Variants in MIER3 observed in about 807,000 individuals in gnomAD.
The protein encoded by MIER3 is MIER family member 3.
In MIER3, 9 loss-of-function variants were observed where a neutral mutation model predicts 63.2. That is an observed-to-expected ratio of 0.14 (90% CI 0.09 to 0.25). MIER3 has a LOEUF of 0.25. Among genes scored for constraint, MIER3 ranks in the 10% least tolerant of loss-of-function variants. The pLI, the probability that MIER3 is intolerant of heterozygous loss-of-function variation, is 1.00. For synonymous variants in MIER3, 205 were observed against 224.9 expected, an observed-to-expected ratio of 0.91 and a Z score of 0.79; for missense variants, 512 against 666.2, an observed-to-expected ratio of 0.77 and a Z score of 2.55.
intron 5 of MIER3, 69 bp from the exon 6 acceptor site, chr5:56,935,820 AT>A: frequency 1.7e-6 from 2 of 1,162,970 alleles, no homozygotes; most frequent in Middle Eastern, 2.0e-4. Context: ...TGCCTGTTGT[AT>A]TTTACAAAAT....
At chr5:56,934,010 A>G (rs917815446) in intron 7 of MIER3, among the ~76,000 whole-genome samples, 1 of 152,160 alleles carries the variant, frequency 6.6e-6, no homozygotes, top group Non-Finnish European at 1.5e-5. Context: ...TGATATATTA[A>G]TGAACAAAAT....
chr5:56,929,064 T>C (rs1417619400), intron 9 of MIER3: 2 of 476,682 alleles, frequency 4.2e-6, no homozygotes, highest in Admixed American at 3.6e-5. Context: ...ACCAAAAGCA[T>C]GCATACTACA....
chr5:56,948,258 T>C (rs1750893836), intron 2 of MIER3, among the ~76,000 whole-genome samples: 1 of 152,234 alleles, frequency 6.6e-6, no homozygotes, highest in Admixed American at 6.5e-5. Flanking sequence ...GTTCTAAAAA[T>C]ACAATTTCTA....
At chr5:56,936,127 G>C (rs1354897253) in intron 5 of MIER3, among the ~76,000 whole-genome samples, 1 of 152,042 alleles carries the variant, frequency 6.6e-6, no homozygotes, top group Non-Finnish European at 1.5e-5. Context: ...TGAGGCAGGA[G>C]AATCGCCTGA....
chr5:56,933,974 A>C lies in MIER3; in HGVS notation c.596-576T>G, dbSNP rs1017065984. On this transcript the variant is annotated intron_variant, in intron 7 of 12. Transcript: ENST00000381199. ...AGAGGGAGAAACAGTAAGAAAAGTA[A>C]ACTTTCCACAATCTCTTAAAGACAC... Among the ~76,000 whole-genome samples, 4 of 152,078 alleles carry C rather than the reference A, an allele frequency of 2.6e-5. No individual in the cohort carries two copies. The East Asian group carries it at 7.7e-4, about 29-fold the overall frequency.
intron 3 of MIER3, among the ~76,000 whole-genome samples, chr5:56,945,643 T>TA (rs1209261005): frequency 6.6e-6 from 1 of 152,174 alleles, no homozygotes; most frequent in Non-Finnish European, 1.5e-5. Flanking sequence ...CTTTAGTACT[T>TA]ACCTTATTTT....
intron 3 of MIER3, among the ~76,000 whole-genome samples, chr5:56,946,092 A>G (rs1000588712): frequency 3.3e-5 from 5 of 152,194 alleles, no homozygotes; most frequent in Non-Finnish European, 7.4e-5. Context: ...TAACATGAAG[A>G]AGGAAATAAA....
At chr5:56,952,065 G>T (rs1428999075) in intron 1 of MIER3, 29 bp downstream of exon 1, 3 of 1,289,112 alleles carry the variant, frequency 2.3e-6, no homozygotes, top group Non-Finnish European at 3.0e-6. Flanking sequence ...GCTCCAGCCC[G>T]GCTGCTCCTG....
At chr5:56,947,101 A>T in intron 2 of MIER3, 30 bp from the exon 3 acceptor site, 2 of 1,588,618 alleles carry the variant, frequency 1.3e-6, no homozygotes, top group Non-Finnish European at 1.7e-6. Context: ...ATCACTTTAC[A>T]CATTTACAAG....
In MIER3 at chr5:56,920,589, G is replaced by A. The variant is rs535650576; in HGVS notation, c.*2539C>T. 1 of 152,374 alleles carries A rather than the reference G, an allele frequency of 6.6e-6. No individual in the cohort carries two copies. The highest frequency in any genetic ancestry group is 1.9e-4 in the East Asian group (1 of 5,170). 9.4% of individuals were successfully genotyped at this position (152,374 alleles called of 1,614,324 possible). A position where few individuals can be genotyped will look rare whatever the true frequency, so the allele number is the denominator to read the frequency against. ...CCAAATGCAATTCTTTTAATAAACA[G>A]TAACAAATTCTCTGTTAAGATGTTT... On this transcript the variant is annotated 3_prime_UTR_variant, in exon 13 of 13. Transcript: ENST00000381199.
In MIER3 at chr5:56,923,141, AG is replaced by A; in HGVS notation, c.1639del (p.Leu547TyrfsTer28). ...SAHALHQHAA[L>X]HSE ...TCCTCACTCAGGTCACTCAGAGTGT[AG>A]GGCCGCGTGCTGATGCAGAGCATGG... On this transcript the variant is annotated frameshift_variant, in exon 13 of 13. Coordinates refer to ENST00000381199, the MANE Select transcript of MIER3 (RefSeq NM_001297599.2). LOFTEE classifies it high-confidence loss of function. 1 of 1,613,824 alleles carries A rather than the reference AG, an allele frequency of 6.2e-7. No individual in the cohort carries two copies. Among genetic ancestry groups the A allele is most frequent in the Non-Finnish European group, 8.5e-7 (1 of 1,179,802 alleles).
intron 3 of MIER3, among the ~76,000 whole-genome samples, chr5:56,942,782 TG>T (rs1277145587): frequency 6.6e-6 from 1 of 152,188 alleles, no homozygotes; most frequent in Admixed American, 6.5e-5. Flanking sequence ...AATGGTCACT[TG>T]GGTCAAATTC....
At chr5:56,946,850 C>A in intron 3 of MIER3, 76 bp downstream of exon 3, 1 of 1,109,892 alleles carries the variant, frequency 9.0e-7, no homozygotes, top group Admixed American at 3.6e-5. Flanking sequence ...ATTTTTATTT[C>A]AGGTAGATTA....
At chr5:56,925,143 G>C (rs1749900292) in intron 10 of MIER3, among the ~76,000 whole-genome samples, 2 of 152,104 alleles carry the variant, frequency 1.3e-5, no homozygotes. Flanking sequence ...GGACAATCCA[G>C]ACTTCTTTAA....
chr5:56,938,339 C>A (rs1469387173), intron 4 of MIER3: 2 of 471,074 alleles, frequency 4.2e-6, no homozygotes, highest in Non-Finnish European at 8.8e-6. Context: ...TGCCTGAGAT[C>A]TGAAAGGCAA....
chr5:56,949,907 G>A (rs1750958277), intron 2 of MIER3, among the ~76,000 whole-genome samples: 3 of 152,180 alleles, frequency 2.0e-5, no homozygotes. Flanking sequence ...TAGCACATGA[G>A]GAAAGGTCCT....
chr5:56,944,957 A>T (rs79579699), intron 3 of MIER3, among the ~76,000 whole-genome samples: 1 of 152,084 alleles, frequency 6.6e-6, no homozygotes, highest in African/African-American at 2.4e-5. Context: ...TCAGCCTCCC[A>T]AAGTGTTGAG....
chr5:56,932,907 A>G (rs1404178797), intron 8 of MIER3, among the ~76,000 whole-genome samples: 2 of 152,202 alleles, frequency 1.3e-5, no homozygotes, highest in Admixed American at 6.5e-5. Context: ...ATTTTTTTTA[A>G]AAAGTATAGG....
chr5:56,919,735 C>T lies in MIER3; in HGVS notation c.*3393G>A, dbSNP rs1475405870. 1 of 152,610 alleles carries T rather than the reference C, an allele frequency of 6.6e-6. No homozygotes were observed. The highest frequency in any genetic ancestry group is 1.5e-5 in the Non-Finnish European group (1 of 68,018). 9.5% of individuals were successfully genotyped at this position (152,610 alleles called of 1,614,324 possible). A position where few individuals can be genotyped will look rare whatever the true frequency, so the allele number is the denominator to read the frequency against. On this transcript the variant is annotated 3_prime_UTR_variant, in exon 13 of 13. Coordinates refer to ENST00000381199, the MANE Select transcript of MIER3 (RefSeq NM_001297599.2). Reference sequence around the variant, plus strand: ...AATGCAATAGCAACTTCCTCTTGAACATCTGATACTGAAACTTGTTCTGAT... The same window carrying T: ...AATGCAATAGCAACTTCCTCTTGAATATCTGATACTGAAACTTGTTCTGAT...
Sources: allele counts gnomAD v4.1 joint callset (sites outside exome capture counted in the v4.1 genomes callset), GRCh38; gene constraint gnomAD v4.1.1; transcripts MANE v1.5; gene names NCBI Gene and HGNC (gene_info 2026-07-23, HGNC 2026-07-21).